The following KCND2 variants were observed in gnomAD, a reference collection of about 807,000 sequenced individuals.
KCND2 encodes the protein potassium voltage-gated channel subfamily D member 2.
A neutral mutation model predicts 54.4 loss-of-function variants in KCND2; 16 were observed. The observed-to-expected ratio is 0.29, with a 90% CI of 0.20 to 0.45. The LOEUF is 0.45. Among genes scored for constraint, KCND2 ranks in the 20% least tolerant of loss-of-function variants. The pLI, the probability that KCND2 is intolerant of heterozygous loss-of-function variation, is 1.00. For missense variants in KCND2, 486 were observed against 824.2 expected (o/e 0.59, Z 5.02); for synonymous variants, 317 against 310.7 (o/e 1.02, Z -0.21).
intron 1 of KCND2, among the ~76,000 whole-genome samples, chr7:120,611,449 G>T (rs1792953677): frequency 6.6e-6 from 1 of 152,140 alleles, no homozygotes; most frequent in Non-Finnish European, 1.5e-5. Flanking sequence ...AGGGGGTGTA[G>T]GTTAGCATAG....
At chr7:120,467,171 TA>T (rs1562846500) in intron 1 of KCND2, among the ~76,000 whole-genome samples, 3 of 152,044 alleles carry the variant, frequency 2.0e-5, no homozygotes. Context: ...CACTGTATAT[TA>T]AAAAGGAAAA....
chr7:120,692,916 T>A (rs1391496537), intron 1 of KCND2, among the ~76,000 whole-genome samples: 1 of 152,210 alleles, frequency 6.6e-6, no homozygotes, highest in Admixed American at 6.5e-5. Context: ...AACCCACTGT[T>A]TTGAACTCCA....
At position 120,479,976 on chromosome 7, in the gene KCND2, A is replaced by AG. The variant is rs1171971889; in HGVS notation, c.1115+204229_1115+204230insG. Among the ~76,000 whole-genome samples the AG allele has an allele frequency of 4.2e-3, 629 of 149,958 alleles. 2 individuals carry two copies. Among genetic ancestry groups the AG allele is most frequent in the African/African-American group, 0.014 (579 of 40,972 alleles). ...AGTAAGACTGTCAAAAAAAAAAAAA[A>AG]AAAGAAAGAAAGAAGTATGAGCTTA... On this transcript the variant is annotated intron_variant, in intron 1 of 5. Coordinates refer to ENST00000331113, the MANE Select transcript of KCND2 (RefSeq NM_012281.3).
chr7:120,640,800 C>G (rs946009035), intron 1 of KCND2, among the ~76,000 whole-genome samples: 3 of 152,110 alleles, frequency 2.0e-5, no homozygotes, highest in African/African-American at 7.2e-5. Flanking sequence ...ATTCATCAGC[C>G]CACTGTATCT....
At chr7:120,372,063 G>A (rs1800773019) in intron 1 of KCND2, among the ~76,000 whole-genome samples, 1 of 151,862 alleles carries the variant, frequency 6.6e-6, no homozygotes, top group African/African-American at 2.4e-5. Context: ...GATACCTGTT[G>A]GACATACTGA....
At chr7:120,636,848 T>C (rs758246116) in intron 1 of KCND2, among the ~76,000 whole-genome samples, 11 of 152,176 alleles carry the variant, frequency 7.2e-5, no homozygotes, top group Non-Finnish European at 1.2e-4. Context: ...CCAAGTGATA[T>C]TATAGCTCTT....
chr7:120,506,016 A>G (rs1006257081), intron 1 of KCND2, among the ~76,000 whole-genome samples: 1 of 151,694 alleles, frequency 6.6e-6, no homozygotes, highest in Non-Finnish European at 1.5e-5. Context: ...TATTTATTGT[A>G]TTTTCTTCCA....
chr7:120,403,754 A>G (rs1028342798), intron 1 of KCND2, among the ~76,000 whole-genome samples: 1 of 151,980 alleles, frequency 6.6e-6, no homozygotes, highest in Admixed American at 6.6e-5. Context: ...ATATAACAAC[A>G]CATATGTCTA....
intron 1 of KCND2, among the ~76,000 whole-genome samples, chr7:120,727,730 A>G (rs1220943776): frequency 2.0e-5 from 3 of 152,140 alleles, no homozygotes; most frequent in Non-Finnish European, 2.9e-5. Flanking sequence ...AGCCATAAAC[A>G]TGAGGTCTGG....
At chr7:120,679,663 G>C (rs1196868300) in intron 1 of KCND2, among the ~76,000 whole-genome samples, 2 of 151,944 alleles carry the variant, frequency 1.3e-5, no homozygotes, top group African/African-American at 4.8e-5. Flanking sequence ...GCCTAACCAA[G>C]CACTGGAAGT....
chr7:120,661,149 T>G (rs552691403), intron 1 of KCND2, among the ~76,000 whole-genome samples: 1 of 152,002 alleles, frequency 6.6e-6, no homozygotes, highest in Non-Finnish European at 1.5e-5. Flanking sequence ...GAATAGAGAG[T>G]TGACTCTCCT....
intron 1 of KCND2, among the ~76,000 whole-genome samples, chr7:120,531,600 C>G (rs139939491): frequency 1.3e-5 from 2 of 152,050 alleles, no homozygotes; most frequent in African/African-American, 2.4e-5. Flanking sequence ...CCTTGTTTCT[C>G]GATATTTTTA....
intron 1 of KCND2, among the ~76,000 whole-genome samples, chr7:120,471,763 A>G (rs1413341843): frequency 6.6e-6 from 1 of 152,122 alleles, no homozygotes; most frequent in African/African-American, 2.4e-5. Flanking sequence ...TTAATTACAG[A>G]GTACTAGAGT....
intron 1 of KCND2, among the ~76,000 whole-genome samples, chr7:120,511,128 A>G (rs577829242): frequency 6.6e-6 from 1 of 151,952 alleles, no homozygotes; most frequent in African/African-American, 2.4e-5. Flanking sequence ...TGTCATGAAC[A>G]CTACAAGTTT....
intron 1 of KCND2, among the ~76,000 whole-genome samples, chr7:120,619,062 T>C (rs1057286049): frequency 6.6e-6 from 1 of 152,226 alleles, no homozygotes; most frequent in African/African-American, 2.4e-5. Context: ...AAGGAATGTT[T>C]GGAAATATTT....
intron 4 of KCND2, among the ~76,000 whole-genome samples, chr7:120,743,371 CA>C (rs1245640566): frequency 3.9e-5 from 6 of 152,188 alleles, no homozygotes; most frequent in Non-Finnish European, 8.8e-5. Context: ...CCAATAGAGT[CA>C]TTCAGCAAAT....
At chr7:120,306,515 C>A (rs1239511673) in intron 1 of KCND2, among the ~76,000 whole-genome samples, 1 of 151,934 alleles carries the variant, frequency 6.6e-6, no homozygotes, top group Non-Finnish European at 1.5e-5. Context: ...TGATTCTGGT[C>A]ACACTGATTA....
chr7:120,636,685 AT>A (rs1250077507), intron 1 of KCND2, among the ~76,000 whole-genome samples: 1 of 152,120 alleles, frequency 6.6e-6, no homozygotes, highest in African/African-American at 2.4e-5. Context: ...CTTAGCAAAA[AT>A]ATCTCGATGT....
At chr7:120,423,246 T>G (rs994018175) in intron 1 of KCND2, among the ~76,000 whole-genome samples, 3 of 152,186 alleles carry the variant, frequency 2.0e-5, no homozygotes, top group Non-Finnish European at 2.9e-5. Context: ...CCTTCCTGTA[T>G]TATGAAATTT....
Sources: allele counts gnomAD v4.1 joint callset (sites outside exome capture counted in the v4.1 genomes callset), GRCh38; gene constraint gnomAD v4.1.1; transcripts MANE v1.5; gene names NCBI Gene and HGNC (gene_info 2026-07-23, HGNC 2026-07-21).